The following THADA variants were observed in gnomAD, a reference collection of about 807,000 sequenced individuals.
The protein encoded by THADA is tRNA (32-2'-O)-methyltransferase regulator THADA.
THADA carries 213 observed loss-of-function variants against 219.8 expected under a neutral mutation model. The ratio of observed to expected loss-of-function variants is 0.97; its 90% CI spans 0.87 to 1.09. The LOEUF (loss-of-function observed/expected upper bound fraction) is 1.09. Among genes scored for constraint, THADA ranks in the 50% least tolerant of loss-of-function variants. The probability of loss-of-function intolerance (pLI) is 0.00; values close to 1 mark genes in which losing one functional copy is unlikely to be tolerated. For missense variants in THADA, 2,956 were observed against 2,311.3 expected (o/e 1.28, Z -5.72); for synonymous variants, 1,018 against 828.9 (o/e 1.23, Z -3.92).
intron 16 of THADA, among the ~76,000 whole-genome samples, chr2:43,556,973 T>C (rs558474942): frequency 6.6e-6 from 1 of 152,178 alleles, no homozygotes; most frequent in South Asian, 2.1e-4. Context: ...GTCCCAGCCA[T>C]TCAAGAGGCT....
intron 35 of THADA, among the ~76,000 whole-genome samples, chr2:43,284,513 C>T (rs574351915): frequency 5.8e-4 from 88 of 152,326 alleles, no homozygotes; most frequent in Non-Finnish European, 1.0e-3. Context: ...GGTTTGGGAA[C>T]CTCTGCCTAA....
At chr2:43,485,385 A>G (rs1686791270) in intron 25 of THADA, 60 bp from the exon 26 acceptor site, 2 of 1,213,548 alleles carry the variant, frequency 1.6e-6, no homozygotes, top group Admixed American at 1.7e-5. Context: ...ACCAACGTTT[A>G]CAATGTTCAA....
At chr2:43,432,001 C>T (rs1486976401) in intron 26 of THADA, among the ~76,000 whole-genome samples, 1 of 127,696 alleles carries the variant, frequency 7.8e-6, no homozygotes, top group East Asian at 2.0e-4. Flanking sequence ...GGACTACAGG[C>T]GCCCGCCACT....
chr2:43,489,099 T>C lies in THADA; in HGVS notation c.3745-3774A>G, dbSNP rs571386388. 1.1e-4 allele frequency among the ~76,000 whole-genome samples: 17 copies of C among 152,342 alleles called. No homozygotes were observed. In the South Asian group the frequency reaches 3.3e-3, roughly 30 times the overall value. ...TACGCAAATATTTTCTCCCATTCTGTGGGTTGTCTTTATACTTTCTTGATT... is the reference window on the plus strand; with the variant it reads ...TACGCAAATATTTTCTCCCATTCTGCGGGTTGTCTTTATACTTTCTTGATT... On this transcript the variant is annotated intron_variant, in intron 25 of 37. Coordinates refer to ENST00000405975, the MANE Select transcript of THADA (RefSeq NM_022065.5).
At chr2:43,470,975 G>A (rs1234356850) in intron 26 of THADA, among the ~76,000 whole-genome samples, 1 of 152,154 alleles carries the variant, frequency 6.6e-6, no homozygotes, top group Non-Finnish European at 1.5e-5. Flanking sequence ...GGACCTGAGG[G>A]ACAAAAGACT....
intron 31 of THADA, among the ~76,000 whole-genome samples, chr2:43,305,242 T>A (rs1289629719): frequency 6.6e-6 from 1 of 152,222 alleles, no homozygotes; most frequent in Non-Finnish European, 1.5e-5. Flanking sequence ...ACTGACTTAA[T>A]AAATCTTGGC....
intron 26 of THADA, among the ~76,000 whole-genome samples, chr2:43,441,533 C>T (rs1460094545): frequency 6.6e-6 from 1 of 152,222 alleles, no homozygotes; most frequent in East Asian, 1.9e-4. Context: ...ACTTCACTCA[C>T]TTCTGATTCT....
At chr2:43,262,243 A>G (rs1378986257) in intron 36 of THADA, among the ~76,000 whole-genome samples, 3 of 152,236 alleles carry the variant, frequency 2.0e-5, no homozygotes, top group Non-Finnish European at 4.4e-5. Context: ...AGAGGTAAAG[A>G]GAAGTGTTTT....
chr2:43,254,986 C>G (rs975945500), intron 36 of THADA, among the ~76,000 whole-genome samples: 1 of 152,192 alleles, frequency 6.6e-6, no homozygotes, highest in African/African-American at 2.4e-5. Flanking sequence ...CAACATAAAA[C>G]ACTCCAAACT....
At chr2:43,400,302 A>T (rs1674641657) in intron 28 of THADA, among the ~76,000 whole-genome samples, 1 of 152,088 alleles carries the variant, frequency 6.6e-6, no homozygotes, top group African/African-American at 2.4e-5. Context: ...CAGGTTAAAA[A>T]GCAAAACAAA....
chr2:43,295,563 C>T (rs983596595), intron 31 of THADA, among the ~76,000 whole-genome samples: 2 of 152,200 alleles, frequency 1.3e-5, no homozygotes, highest in African/African-American at 4.8e-5. Flanking sequence ...AAGATGTTAA[C>T]AAGTTTATCC....
At chr2:43,469,938 G>T (rs1245390163) in intron 26 of THADA, among the ~76,000 whole-genome samples, 1 of 152,118 alleles carries the variant, frequency 6.6e-6, no homozygotes, top group African/African-American at 2.4e-5. Context: ...CAAGGGCCGG[G>T]TGTGGCTCAT....
chr2:43,545,878 T>TTCTG (rs1695964608), intron 20 of THADA, among the ~76,000 whole-genome samples: 1 of 152,196 alleles, frequency 6.6e-6, no homozygotes, highest in Admixed American at 6.5e-5. Context: ...TTTCCTTCAG[T>TTCTG]TCTGCTCTGA....
chr2:43,479,095 C>A (rs1391073681), intron 26 of THADA, among the ~76,000 whole-genome samples: 1 of 152,134 alleles, frequency 6.6e-6, no homozygotes, highest in Non-Finnish European at 1.5e-5. Flanking sequence ...TACCAAAACA[C>A]TAGAGCTCTT....
intron 22 of THADA, among the ~76,000 whole-genome samples, chr2:43,520,658 C>T (rs929493033): frequency 6.6e-6 from 1 of 151,504 alleles, no homozygotes; most frequent in East Asian, 1.9e-4. Flanking sequence ...CCACTGTGCT[C>T]CAGCCTAGGC....
chr2:43,554,880 TA>T (rs1302837158), intron 17 of THADA, among the ~76,000 whole-genome samples: 1 of 152,208 alleles, frequency 6.6e-6, no homozygotes, highest in Non-Finnish European at 1.5e-5. Context: ...TTTCAGATTT[TA>T]TATTTTTTCA....
chr2:43,248,160 TATATAGAGAGAGAGAGAG>T (rs1256134828), intron 36 of THADA, among the ~76,000 whole-genome samples: 254 of 52,694 alleles, frequency 4.8e-3, no homozygotes, highest in African/African-American at 9.4e-3. Context: ...TATATATATA[TATATAGAGAGAGAGAGAG>T]AGAGAGAGAG....
intron 26 of THADA, among the ~76,000 whole-genome samples, chr2:43,438,318 A>AAC (rs1680401717): frequency 6.6e-6 from 1 of 150,918 alleles, no homozygotes; most frequent in Admixed American, 6.6e-5. Flanking sequence ...AAAAAAAAAA[A>AAC]CCCAAACTAT....
intron 24 of THADA, among the ~76,000 whole-genome samples, chr2:43,501,178 C>T (rs982569527): frequency 6.0e-5 from 9 of 151,074 alleles, no homozygotes; most frequent in Non-Finnish European, 1.2e-4. Flanking sequence ...TGGTGGTGCA[C>T]GCCTGTAATC....
Sources: gnomAD v4.1 joint callset for allele counts (sites outside exome capture counted in the v4.1 genomes callset) on GRCh38, gnomAD v4.1.1 for gene constraint, MANE v1.5 for transcripts, NCBI Gene and HGNC (gene_info 2026-07-23, HGNC 2026-07-21) for gene names.